The following SCHIP1 variants were observed in gnomAD, a reference collection of about 807,000 sequenced individuals.
The protein encoded by SCHIP1 is schwannomin-interacting protein 1.
Under a neutral mutation model 29.7 loss-of-function variants are expected in SCHIP1, and 8 were observed. The ratio of observed to expected loss-of-function variants is 0.27; its 90% CI spans 0.16 to 0.49. The LOEUF (loss-of-function observed/expected upper bound fraction) is 0.49, where lower values mean the gene tolerates loss of function less well. Among genes scored for constraint, SCHIP1 ranks in the 20% least tolerant of loss-of-function variants. The pLI is 0.99. For missense variants in SCHIP1, 193 were observed against 294.6 expected, an observed-to-expected ratio of 0.66 and a Z score of 2.52; for synonymous variants, 76 against 94.9, an observed-to-expected ratio of 0.80 and a Z score of 1.16.
At chr3:159,493,839 T>C in the SCHIP1 span, among the ~76,000 whole-genome samples, 5 of 152,118 alleles carry the variant, frequency 3.3e-5, no homozygotes, top group African/African-American at 4.8e-5. Context: ...CAAAATCGAC[T>C]ACATAGTTGG....
At chr3:159,494,764 A>C in the SCHIP1 span, among the ~76,000 whole-genome samples, 1 of 152,218 alleles carries the variant, frequency 6.6e-6, no homozygotes, top group South Asian at 2.1e-4. Context: ...TTAGGCCAGC[A>C]TCATCCTGAT....
At chr3:159,608,765 T>C in the SCHIP1 span, among the ~76,000 whole-genome samples, 4 of 152,172 alleles carry the variant, frequency 2.6e-5, no homozygotes, top group African/African-American at 9.7e-5. Context: ...AGTTTCCCCA[T>C]CTTAAAAAGA....
At chr3:159,315,194 CT>C in the SCHIP1 span, among the ~76,000 whole-genome samples, 1 of 128,412 alleles carries the variant, frequency 7.8e-6, no homozygotes, top group Non-Finnish European at 1.6e-5. Context: ...TTTTTTAGGA[CT>C]TCTTTTTTTT....
the SCHIP1 span, chr3:159,764,334 G>A: frequency 7.4e-7 from 1 of 1,357,168 alleles, no homozygotes; most frequent in Non-Finnish European, 9.8e-7. The surrounding 1 kb of genome is among the most constrained non-coding windows in gnomAD (Gnocchi z 6.1). Context: ...ACGCACCTCT[G>A]ACCCAGCGGG....
chr3:159,883,377 G>C (rs1049669052), intron 2 of SCHIP1, among the ~76,000 whole-genome samples: 2 of 152,078 alleles, frequency 1.3e-5, no homozygotes, highest in African/African-American at 2.4e-5. Context: ...CAGAGGCCCG[G>C]GGAACTGTGG....
chr3:159,395,251 T>G, the SCHIP1 span, among the ~76,000 whole-genome samples: 1 of 152,222 alleles, frequency 6.6e-6, no homozygotes, highest in African/African-American at 2.4e-5. Context: ...TCTATTTTGT[T>G]GATCCTTTCA....
At chr3:159,870,194 A>G (rs568181587) in intron 2 of SCHIP1, among the ~76,000 whole-genome samples, 1 of 151,968 alleles carries the variant, frequency 6.6e-6, no homozygotes, top group African/African-American at 2.4e-5. Context: ...TTATTTATTC[A>G]TTTTCAATTC....
chr3:159,443,888 G>A, the SCHIP1 span, among the ~76,000 whole-genome samples: 2 of 152,134 alleles, frequency 1.3e-5, no homozygotes, highest in Non-Finnish European at 2.9e-5. Flanking sequence ...CTGCTTGAGA[G>A]GATGAGGCCA....
the SCHIP1 span, among the ~76,000 whole-genome samples, chr3:159,405,246 C>T: frequency 6.6e-6 from 1 of 152,130 alleles, no homozygotes; most frequent in South Asian, 2.1e-4. Context: ...TGATGAATAT[C>T]TACAAGCATC....
chr3:159,896,879 A>G (rs560481740), exon 7 of SCHIP1: 4 of 1,231,750 alleles, frequency 3.2e-6, no homozygotes, highest in Non-Finnish European at 1.1e-6. Context: ...AGTGTTAGTC[A>G]TTGATAATGT....
the SCHIP1 span, among the ~76,000 whole-genome samples, chr3:159,771,729 A>G: frequency 3.3e-5 from 5 of 151,316 alleles, no homozygotes; most frequent in African/African-American, 1.2e-4. Context: ...CAGGCAAACC[A>G]CATGTAAACA....
the SCHIP1 span, among the ~76,000 whole-genome samples, chr3:159,447,030 G>A: frequency 6.6e-6 from 1 of 152,194 alleles, no homozygotes; most frequent in Non-Finnish European, 1.5e-5. Context: ...TCTGATATGA[G>A]TGTAAAAGGA....
the SCHIP1 span, among the ~76,000 whole-genome samples, chr3:159,640,276 T>C: frequency 9.2e-5 from 14 of 152,248 alleles, no homozygotes; most frequent in African/African-American, 3.4e-4. Flanking sequence ...ATCTGAGCTA[T>C]GAGGTACAAA....
At chr3:159,839,926 G>T (rs1001890686) in exon 1 of SCHIP1, 2 of 1,399,320 alleles carry the variant, frequency 1.4e-6, no homozygotes, top group Non-Finnish European at 1.8e-6. Flanking sequence ...CCCCCAGCCC[G>T]GTCCCAGCTC....
At chr3:159,721,660 T>A in the SCHIP1 span, 1 of 232,288 alleles carries the variant, frequency 4.3e-6, no homozygotes, top group Non-Finnish European at 8.7e-6. Context: ...AGGCTCTTCT[T>A]TGTTTCTATG....
At chr3:159,872,519 A>T (rs375000002) in intron 2 of SCHIP1, among the ~76,000 whole-genome samples, 2 of 152,168 alleles carry the variant, frequency 1.3e-5, no homozygotes, top group Admixed American at 1.3e-4. Flanking sequence ...GGAGACACGG[A>T]TATCTAAACA....
the SCHIP1 span, among the ~76,000 whole-genome samples, chr3:159,744,660 A>C: frequency 6.6e-6 from 1 of 152,168 alleles, no homozygotes; most frequent in Non-Finnish European, 1.5e-5. Context: ...TAACCATTGG[A>C]CAGAAGCCTG....
chr3:159,874,633 C>T (rs1394204538), intron 2 of SCHIP1, among the ~76,000 whole-genome samples: 1 of 152,128 alleles, frequency 6.6e-6, no homozygotes, highest in Non-Finnish European at 1.5e-5. Context: ...CAATGTGCCA[C>T]GAATCACAGG....
At chr3:159,718,486 T>C in the SCHIP1 span, among the ~76,000 whole-genome samples, 2 of 152,176 alleles carry the variant, frequency 1.3e-5, no homozygotes, top group African/African-American at 4.8e-5. Flanking sequence ...GAAAACCCCA[T>C]CGTCTCATCC....
Sources: allele counts gnomAD v4.1 joint callset (sites outside exome capture counted in the v4.1 genomes callset), GRCh38; gene constraint gnomAD v4.1.1; non-coding constraint Gnocchi (gnomAD v3.1); transcripts MANE v1.5; gene names NCBI Gene and HGNC (gene_info 2026-07-23, HGNC 2026-07-21).